The following CASP4 variants were observed in gnomAD, a reference collection of about 807,000 sequenced individuals.
CASP4 encodes caspase 4.
A neutral mutation model predicts 41.3 loss-of-function variants in CASP4; 29 were observed. The observed-to-expected ratio is 0.70, with a 90% CI of 0.52 to 0.96. The LOEUF is 0.96. Ranked by LOEUF, CASP4 falls within the 40% of genes least tolerant of loss-of-function variation. CASP4 has a pLI of 0.00. For missense variants in CASP4, 447 were observed against 460.6 expected (o/e 0.97, Z 0.27); for synonymous variants, 185 against 158.4 (o/e 1.17, Z -1.26).
Position 104,959,172 on chromosome 11 carries a change from T to TA in CASP4, c.8-4172dup, listed in dbSNP as rs1471520822. The stretch of plus-strand genomic sequence containing the variant: ...AGCATTATTCACAATAGCCAAGATA[T>TA]AAAATCAACCTAAATGTCTGTGGAC... On this transcript the variant is annotated intron_variant, in intron 1 of 8. Transcript: ENST00000444739. Among the ~76,000 whole-genome samples, 15 of 152,132 alleles carry TA rather than the reference T, an allele frequency of 9.9e-5. No individual in the cohort carries two copies. In the East Asian group the frequency reaches 2.7e-3, roughly 27 times the overall value.
chr11:104,948,837 C>CACACA lies in CASP4; in HGVS notation c.782-162_782-161insTGTGT, dbSNP rs1555069939. The CACACA allele has an allele frequency of 8.1e-3, 3,694 of 458,494 alleles. 134 individuals are homozygous for CACACA. Among genetic ancestry groups the CACACA allele is most frequent in the African/African-American group, 0.068 (3,345 of 49,166 alleles). The allele number at this position is 458,494 out of a possible 1,614,324, so 28.4% of individuals were successfully genotyped here. On this transcript the variant is annotated intron_variant, in intron 5 of 8. Transcript: ENST00000444739. Reference sequence around the variant, plus strand: ...AGAGAGAGACACACACACACACACACCACTTTTCTTTCTCTCCAGTGTCAT... The same window carrying CACACA: ...AGAGAGAGACACACACACACACACACACACACACTTTTCTTTCTCTCCAGTGTCAT...
chr11:104,946,616 G>T (rs1325231459), intron 7 of CASP4: 1 of 151,826 alleles, frequency 6.6e-6, no homozygotes. Flanking sequence ...TGTCTTTATG[G>T]ATCCTATCAC....
At chr11:104,949,347 G>T (rs1009294952) in intron 5 of CASP4, 196 bp downstream of exon 5, 3 of 618,492 alleles carry the variant, frequency 4.9e-6, no homozygotes, top group African/African-American at 1.8e-5. Context: ...GGATAAAATT[G>T]AACAGAAATT....
Position 104,948,546 on chromosome 11 carries a change from G to A in CASP4, c.912C>T (p.Cys304=). 1 of 1,606,268 alleles carries A rather than the reference G, an allele frequency of 6.2e-7. No individual in the cohort carries two copies. The highest frequency in any genetic ancestry group is 8.5e-7 in the Non-Finnish European group (1 of 1,175,330). The change falls in exon 6 of 9, where the codon TGC becomes TGT. Residue 304 remains cysteine, a synonymous_variant. Coordinates refer to ENST00000444739, the MANE Select transcript of CASP4 (RefSeq NM_001225.4). The part of the protein sequence containing the change: ...THVEKDFIAF[C]SSTPHNVSWR... ...AAAGATACATACGTGGCGTTGAAGA[G>A]CAGAAAGCAATGAAGTCCTTCTCCA...
At chr11:104,953,816 T>C (rs566422114) in intron 2 of CASP4, among the ~76,000 whole-genome samples, 8 of 152,282 alleles carry the variant, frequency 5.3e-5, no homozygotes, top group African/African-American at 1.7e-4. Context: ...CCTTTAATAA[T>C]ACGTAATTCA....
chr11:104,964,753 A>G (rs959731147), intron 1 of CASP4, among the ~76,000 whole-genome samples: 6 of 152,190 alleles, frequency 3.9e-5, no homozygotes, highest in African/African-American at 1.2e-4. Flanking sequence ...ATGAGCTCCA[A>G]GTTATCTTGG....
chr11:104,945,486 G>C (rs1860435658), intron 7 of CASP4, among the ~76,000 whole-genome samples: 1 of 151,996 alleles, frequency 6.6e-6, no homozygotes. Flanking sequence ...TCAAACTCCT[G>C]ACCTCATGAT....
intron 1 of CASP4, among the ~76,000 whole-genome samples, chr11:104,959,595 A>G (rs1362224210): frequency 6.6e-6 from 1 of 152,236 alleles, no homozygotes; most frequent in Non-Finnish European, 1.5e-5. Context: ...AAACCTATAC[A>G]TTCAATAGAC....
rs1860698003 is a variant in CASP4 at position 104,954,834 on chromosome 11, C to G, written c.175G>C (p.Asp59His). The change falls in exon 2 of 9, where the codon GAC becomes CAC. Residue 59 changes from aspartate to histidine, a missense_variant. Asp to His is a moderately conservative substitution (Grantham distance 81). Transcript: ENST00000444739. ...KTEDKVRVMADSMQEKQRMAG... is the reference protein window; with the variant it reads ...KTEDKVRVMAHSMQEKQRMAG... The stretch of plus-strand genomic sequence containing the variant: ...ATACGTTGCTTCTCTTGCATAGAGT[C>G]TGCCATGACCCGAACTTTGTCTTCA... The G allele has an allele frequency of 6.2e-7, 1 of 1,613,816 alleles. No homozygotes were observed. The highest frequency in any genetic ancestry group is 8.5e-7 in the Non-Finnish European group (1 of 1,179,790).
intron 1 of CASP4, among the ~76,000 whole-genome samples, chr11:104,965,513 A>G (rs567712049): frequency 2.2e-4 from 33 of 152,314 alleles, no homozygotes; most frequent in African/African-American, 7.2e-4. Context: ...CAATATTATA[A>G]CTGAGGTAAT....
intron 8 of CASP4, chr11:104,944,368 CTG>C (rs199937164): frequency 0.026 from 3,668 of 141,426 alleles, 62 homozygotes; most frequent in African/African-American, 0.047. Context: ...CTCTCTCTCT[CTG>C]TGTGTGTGTG....
intron 8 of CASP4, 22 bp downstream of exon 8, chr11:104,944,726 C>G: frequency 7.0e-7 from 1 of 1,431,450 alleles, no homozygotes; most frequent in Admixed American, 1.7e-5. Flanking sequence ...TCACATACCA[C>G]CAACAACTCT....
chr11:104,955,879 G>A (rs1470412577), intron 1 of CASP4, among the ~76,000 whole-genome samples: 5 of 152,076 alleles, frequency 3.3e-5, no homozygotes, highest in East Asian at 3.8e-4. Context: ...CCATGTAGAT[G>A]TAAGGATAGT....
chr11:104,944,177 A>G (rs1860392625), intron 8 of CASP4: 2 of 152,586 alleles, frequency 1.3e-5, no homozygotes. Context: ...CAAACTCTAC[A>G]GTGTAGGATG....
intron 1 of CASP4, among the ~76,000 whole-genome samples, chr11:104,966,378 A>T (rs564021219): frequency 6.6e-6 from 1 of 152,360 alleles, no homozygotes; most frequent in Admixed American, 6.5e-5. Flanking sequence ...TGGGGGTACC[A>T]CTTTGGCAGC....
At chr11:104,950,236 G>A (rs1236553045) in intron 4 of CASP4, among the ~76,000 whole-genome samples, 1 of 151,992 alleles carries the variant, frequency 6.6e-6, no homozygotes, top group Non-Finnish European at 1.5e-5. Context: ...CTTCTCGTGT[G>A]CCAGGTTCAT....
chr11:104,948,443 C>A, intron 6 of CASP4, 90 bp downstream of exon 6: 1 of 1,259,218 alleles, frequency 7.9e-7, no homozygotes, highest in South Asian at 1.8e-5. Flanking sequence ...TCTATCAGAT[C>A]ATTGTTTCAT....
At chr11:104,951,273 G>C in intron 3 of CASP4, 175 bp from the exon 4 acceptor site, 1 of 485,910 alleles carries the variant, frequency 2.1e-6, no homozygotes, top group Non-Finnish European at 3.6e-6. Context: ...GGACATATCT[G>C]AAATTGTTAT....
At chr11:104,963,789 C>G (rs1206773715) in intron 1 of CASP4, among the ~76,000 whole-genome samples, 2 of 152,162 alleles carry the variant, frequency 1.3e-5, no homozygotes. Context: ...ACTCTCTTCT[C>G]CAGTAGTATT....
Sources: allele counts gnomAD v4.1 joint callset (sites outside exome capture counted in the v4.1 genomes callset), GRCh38; gene constraint gnomAD v4.1.1; transcripts MANE v1.5; gene names NCBI Gene and HGNC (gene_info 2026-07-23, HGNC 2026-07-21).